CNBD1: variants seen among roughly 807,000 people sequenced by gnomAD.
CNBD1 encodes cyclic nucleotide binding domain containing 1.
In CNBD1, 71 loss-of-function variants were observed where a neutral mutation model predicts 54.4. The observed-to-expected ratio is 1.30, with a 90% CI of 1.08 to 1.59. The LOEUF (loss-of-function observed/expected upper bound fraction) is 1.59. CNBD1 is among the 40% of genes most tolerant of loss of function. The pLI, the probability that CNBD1 is intolerant of heterozygous loss-of-function variation, is 0.00. For synonymous variants in CNBD1, 182 were observed against 170.7 expected, an observed-to-expected ratio of 1.07 and a Z score of -0.51; for missense variants, 659 against 518.0, an observed-to-expected ratio of 1.27 and a Z score of -2.64.
rs752437769 is a variant in CNBD1 at position 86,866,560 on chromosome 8, C to T, written c.65C>T (p.Pro22Leu). The T allele has an allele frequency of 6.2e-7, 1 of 1,610,802 alleles. No homozygotes were observed. ...SHMTAINNVP[P>L]PPLHSIPNLK... ...ATGACAGCTATTAACAATGTGCCTCCTCCTCCACTTCACAGTATACCAAGT... is the reference window on the plus strand; with the variant it reads ...ATGACAGCTATTAACAATGTGCCTCTTCCTCCACTTCACAGTATACCAAGT... Residue 22 changes from proline to leucine, a missense_variant, in exon 1 of 11, where the codon CCT becomes CTT. Transcript: ENST00000518476.
intron 2 of CNBD1, among the ~76,000 whole-genome samples, chr8:87,408,115 T>C (rs1807680762): frequency 6.6e-6 from 1 of 152,098 alleles, no homozygotes; most frequent in Non-Finnish European, 1.5e-5. Flanking sequence ...ATCTTTCCCC[T>C]TTAGTTACAT....
downstream of CNBD1, chr8:87,382,914 T>A (rs541382894): frequency 4.4e-6 from 1 of 228,442 alleles, no homozygotes; most frequent in South Asian, 1.3e-4. Flanking sequence ...TGTAAAGTAG[T>A]TGTAAAAAAT....
rs34576530 is a variant in CNBD1, at chr8:87,261,529, C to CAA, written c.772-23132_772-23131dup. 5.3e-3 allele frequency among the ~76,000 whole-genome samples: 636 copies of CAA among 120,192 alleles called. 8 individuals carry two copies. Among genetic ancestry groups the CAA allele is most frequent in the African/African-American group, 0.011 (371 of 33,140 alleles). The allele number at this position is 120,192 out of a possible 152,430, so 78.9% of individuals were successfully genotyped here. ...TGGTGGAAGAAGTTTTATTTATAGACAAAAAAAAAAAAAAAAAAGAGAAAT... is the reference window on the plus strand; with the variant it reads ...TGGTGGAAGAAGTTTTATTTATAGACAAAAAAAAAAAAAAAAAAAAGAGAAAT... On this transcript the variant is annotated intron_variant, in intron 6 of 10. Transcript: ENST00000518476.
At chr8:87,358,615 A>G (rs2130934376) in intron 10 of CNBD1, among the ~76,000 whole-genome samples, 1 of 152,144 alleles carries the variant, frequency 6.6e-6, no homozygotes, top group East Asian at 1.9e-4. Context: ...GAGGCGATCT[A>G]TTATGGGGAT....
intron 4 of CNBD1, among the ~76,000 whole-genome samples, chr8:86,940,323 C>T (rs1047459487): frequency 5.3e-5 from 8 of 151,852 alleles, no homozygotes; most frequent in East Asian, 1.9e-4. Context: ...CCTGCCACCA[C>T]GCCTGGCTAA....
intron 3 of CNBD1, among the ~76,000 whole-genome samples, chr8:86,925,903 G>A (rs146792873): frequency 1.5e-3 from 235 of 152,184 alleles, no homozygotes; most frequent in African/African-American, 5.4e-3. Flanking sequence ...CAAAGAGGGA[G>A]TGGTAGCAAG....
intron 4 of CNBD1, among the ~76,000 whole-genome samples, chr8:87,086,645 C>G (rs1811101375): frequency 6.6e-6 from 1 of 150,470 alleles, no homozygotes; most frequent in Non-Finnish European, 1.5e-5. Context: ...TTTTAAAGGC[C>G]AAAATACTAT....
intron 10 of CNBD1, among the ~76,000 whole-genome samples, chr8:87,357,964 A>G (rs1810454468): frequency 2.0e-5 from 3 of 152,144 alleles, no homozygotes; most frequent in African/African-American, 7.2e-5. Context: ...AGTTCACATG[A>G]GAGCTGGTTG....
At chr8:87,404,960 G>C (rs1380637416) in intron 2 of CNBD1, among the ~76,000 whole-genome samples, 1 of 152,012 alleles carries the variant, frequency 6.6e-6, no homozygotes, top group Non-Finnish European at 1.5e-5. Flanking sequence ...TTTGGCAATT[G>C]CTTTGATTAT....
intron 10 of CNBD1, among the ~76,000 whole-genome samples, chr8:87,356,603 CA>C (rs149323495): frequency 0.035 from 5,248 of 152,098 alleles, 286 homozygotes; most frequent in African/African-American, 0.12. Context: ...AACGTACAAT[CA>C]TATATGAGCA....
intron 3 of CNBD1, among the ~76,000 whole-genome samples, chr8:86,913,686 G>C (rs755023206): frequency 3.9e-5 from 6 of 152,182 alleles, no homozygotes; most frequent in Non-Finnish European, 8.8e-5. Flanking sequence ...CAGAAGGTCA[G>C]AGCGAAACTA....
chr8:86,882,281 C>A (rs948302774), intron 1 of CNBD1, among the ~76,000 whole-genome samples: 3 of 152,046 alleles, frequency 2.0e-5, no homozygotes, highest in Admixed American at 6.6e-5. Context: ...ATGCATCTGA[C>A]AAAGGTCTAA....
At chr8:87,172,563 C>T (rs1043839097) in intron 4 of CNBD1, among the ~76,000 whole-genome samples, 3 of 151,726 alleles carry the variant, frequency 2.0e-5, no homozygotes, top group African/African-American at 4.8e-5. Flanking sequence ...TCCAATGTTA[C>T]GTGTATATAT....
At chr8:86,995,963 G>T (rs995708249) in intron 4 of CNBD1, among the ~76,000 whole-genome samples, 13 of 151,994 alleles carry the variant, frequency 8.6e-5, no homozygotes, top group African/African-American at 3.1e-4. Context: ...TGCCAAATAA[G>T]TCTAAATCCC....
intron 6 of CNBD1, among the ~76,000 whole-genome samples, chr8:87,237,999 A>G (rs905745841): frequency 1.4e-5 from 2 of 143,456 alleles, no homozygotes; most frequent in African/African-American, 5.9e-5. Context: ...ACCTAATGCT[A>G]TTTTAGTCTG....
At chr8:87,257,369 C>CAAAAAAAAAAAAAAAAA (rs771338208) in intron 6 of CNBD1, among the ~76,000 whole-genome samples, 19 of 67,496 alleles carry the variant, frequency 2.8e-4, no homozygotes, top group Non-Finnish European at 4.1e-4. Flanking sequence ...AACTCTATCG[C>CAAAAAAAAAAAAAAAAA]AAAAAAAAAA....
chr8:87,055,340 A>G (rs1056597531), intron 4 of CNBD1, among the ~76,000 whole-genome samples: 1 of 151,834 alleles, frequency 6.6e-6, no homozygotes, highest in Non-Finnish European at 1.5e-5. Flanking sequence ...TGTCTGTACA[A>G]CTCCCCCTAT....
rs183554714 is a variant in CNBD1, at chr8:87,324,704, G to C, written c.1043-26981G>C. Among the ~76,000 whole-genome samples the C allele has an allele frequency of 3.6e-3, 546 of 151,582 alleles. 2 individuals are homozygous for C. Among genetic ancestry groups the C allele is most frequent in the African/African-American group, 0.012 (511 of 41,284 alleles). On this transcript the variant is annotated intron_variant, in intron 8 of 10. Coordinates refer to ENST00000518476, the MANE Select transcript of CNBD1 (RefSeq NM_173538.3). ...TTGATTCTTCTCTCTTTTTTTCTTA[G>C]TAGTCTTGCTAGCGGTCTATCAATT... is the stretch of plus-strand genomic sequence containing the variant.
chr8:87,155,213 T>G (rs1812688467), intron 4 of CNBD1, among the ~76,000 whole-genome samples: 1 of 152,220 alleles, frequency 6.6e-6, no homozygotes, highest in African/African-American at 2.4e-5. Flanking sequence ...TCTCAATCTC[T>G]TCAACATTTT....
Sources: allele counts gnomAD v4.1 joint callset (sites outside exome capture counted in the v4.1 genomes callset), GRCh38; gene constraint gnomAD v4.1.1; transcripts MANE v1.5; gene names NCBI Gene and HGNC (gene_info 2026-07-23, HGNC 2026-07-21).